DLG2: variants seen among roughly 807,000 people sequenced by gnomAD.
DLG2 encodes the protein disks large homolog 2.
A neutral mutation model predicts 132.5 loss-of-function variants in DLG2; 45 were observed. The ratio of observed to expected loss-of-function variants is 0.34; its 90% CI spans 0.27 to 0.44. DLG2 has a LOEUF of 0.44. Among genes scored for constraint, DLG2 ranks in the 20% least tolerant of loss-of-function variants. The probability of loss-of-function intolerance (pLI) is 1.00; values close to 1 mark genes in which losing one functional copy is unlikely to be tolerated. For synonymous variants in DLG2, 424 were observed against 419.6 expected (o/e 1.01, Z -0.13); for missense variants, 1,045 against 1,196.9 (o/e 0.87, Z 1.87).
chr11:85,077,200 G>C (rs2066652413), intron 6 of DLG2, among the ~76,000 whole-genome samples: 1 of 151,912 alleles, frequency 6.6e-6, no homozygotes, highest in South Asian at 2.1e-4. Context: ...TAATAACAAT[G>C]ATCACCATAA....
intron 6 of DLG2, among the ~76,000 whole-genome samples, chr11:84,951,475 G>C (rs897418206): frequency 1.1e-4 from 16 of 152,074 alleles, no homozygotes; most frequent in South Asian, 2.1e-4. Context: ...ATTAAGACCA[G>C]AGCATAAACA....
intron 4 of DLG2, among the ~76,000 whole-genome samples, chr11:85,259,350 C>G (rs143345032): frequency 2.0e-5 from 3 of 152,064 alleles, no homozygotes; most frequent in African/African-American, 4.8e-5. Flanking sequence ...TGAGGCCTCC[C>G]GAGAAGCAGA....
At chr11:85,186,286 C>T (rs1259742570) in intron 4 of DLG2, among the ~76,000 whole-genome samples, 2 of 151,876 alleles carry the variant, frequency 1.3e-5, no homozygotes, top group African/African-American at 4.8e-5. Flanking sequence ...CAAACTATTA[C>T]CATTTCTACA....
chr11:85,318,909 A>G (rs1167866946), intron 3 of DLG2, among the ~76,000 whole-genome samples: 1 of 151,872 alleles, frequency 6.6e-6, no homozygotes, highest in East Asian at 1.9e-4. Context: ...CAATGACTAC[A>G]TAACAATTTG....
At chr11:85,053,632 C>CAAAAAAAAAAAAAA (rs574119257) in intron 6 of DLG2, among the ~76,000 whole-genome samples, 3 of 91,180 alleles carry the variant, frequency 3.3e-5, no homozygotes, top group East Asian at 3.8e-4. Context: ...ACTAAAAATA[C>CAAAAAAAAAAAAAA]AAAAAAAAAA....
rs748005006 is a variant in DLG2, at chr11:84,565,960, G to GTTTT, written c.358-31233_358-31230dup. On this transcript the variant is annotated intron_variant, in intron 6 of 27. Coordinates refer to ENST00000376104, the MANE Select transcript of DLG2 (RefSeq NM_001142699.3). Reference sequence around the variant, plus strand: ...TCCACGTTAAATTTCATATGATGAAGTTTTTTTTTTTTTTTTGAGACAGAG... The same window carrying GTTTT: ...TCCACGTTAAATTTCATATGATGAAGTTTTTTTTTTTTTTTTTTTTGAGACAGAG... Among the ~76,000 whole-genome samples, 283 of 139,456 alleles carry GTTTT rather than the reference G, an allele frequency of 2.0e-3. 2 individuals are homozygous for GTTTT. The highest frequency in any genetic ancestry group is 5.4e-3 in the African/African-American group (201 of 37,472). The allele number at this position is 139,456 out of a possible 152,430, so 91.5% of individuals were successfully genotyped here.
intron 7 of DLG2, among the ~76,000 whole-genome samples, chr11:84,463,315 G>T (rs1395871917): frequency 6.6e-6 from 1 of 151,144 alleles, no homozygotes; most frequent in African/African-American, 2.4e-5. Context: ...AGTCAGAAAT[G>T]AGAGGGTCAG....
chr11:84,896,941 T>C (rs1362311657), intron 6 of DLG2, among the ~76,000 whole-genome samples: 1 of 151,800 alleles, frequency 6.6e-6, no homozygotes, highest in East Asian at 1.9e-4. Flanking sequence ...GTTTTGAGCA[T>C]ATCCCCTGTG....
At chr11:83,504,879 T>A (rs2139407631) in intron 21 of DLG2, among the ~76,000 whole-genome samples, 1 of 152,206 alleles carries the variant, frequency 6.6e-6, no homozygotes, top group African/African-American at 2.4e-5. Flanking sequence ...TTAGTTGGAG[T>A]TGTAATTGTG....
chr11:83,700,031 T>C lies in DLG2; in HGVS notation c.1826-66706A>G, dbSNP rs145732225. 3.6e-3 allele frequency among the ~76,000 whole-genome samples: 552 copies of C among 151,712 alleles called. 2 individuals carry two copies. Among genetic ancestry groups the C allele is most frequent in the Non-Finnish European group, 6.2e-3 (420 of 67,942 alleles). ...TACACAAAAACCTAAAAATAGTGAT[T>C]AGCTTTGTGAGACGAATGAGGGCAG... On this transcript the variant is annotated intron_variant, in intron 18 of 27. Transcript: ENST00000376104.
rs113409624 is a variant in DLG2 at position 85,253,873 on chromosome 11, GC to G, written c.186+31346del. ...GAAGGCAATCTTCCCCTGAAGTCCA[GC>G]CATCCAAGGCTGGACTCCTCTCTGA... On this transcript the variant is annotated intron_variant, in intron 4 of 27. Transcript: ENST00000376104. Among the ~76,000 whole-genome samples the G allele has an allele frequency of 9.0e-3, 1,367 of 152,222 alleles. 23 individuals are homozygous for G. Among genetic ancestry groups the G allele is most frequent in the African/African-American group, 0.031 (1,301 of 41,534 alleles).
chr11:85,106,533 C>G (rs1038195906), intron 6 of DLG2, among the ~76,000 whole-genome samples: 1 of 151,892 alleles, frequency 6.6e-6, no homozygotes, highest in South Asian at 2.1e-4. Context: ...CTGTTTTTTA[C>G]GCTTTTTCTC....
intron 7 of DLG2, among the ~76,000 whole-genome samples, chr11:84,533,077 C>T (rs2099346703): frequency 6.6e-6 from 1 of 152,188 alleles, no homozygotes; most frequent in African/African-American, 2.4e-5. Context: ...TTCTACAAAA[C>T]CTCTGACGAG....
At chr11:84,364,418 G>A (rs1335993949) in intron 7 of DLG2, among the ~76,000 whole-genome samples, 8 of 152,114 alleles carry the variant, frequency 5.3e-5, no homozygotes, top group African/African-American at 1.7e-4. Flanking sequence ...GGGCTGAGAC[G>A]ATGGGGTTTT....
At chr11:84,310,790 G>A (rs1034243257) in intron 7 of DLG2, among the ~76,000 whole-genome samples, 1 of 152,170 alleles carries the variant, frequency 6.6e-6, no homozygotes, top group Non-Finnish European at 1.5e-5. Flanking sequence ...CATTCTGGCT[G>A]AGCATAAACT....
intron 6 of DLG2, among the ~76,000 whole-genome samples, chr11:84,801,255 A>C (rs1160151853): frequency 6.6e-6 from 1 of 152,180 alleles, no homozygotes; most frequent in Non-Finnish European, 1.5e-5. Context: ...TATATTCTCC[A>C]GTCCAAGAAG....
chr11:84,697,491 G>A (rs2058738064), intron 6 of DLG2, among the ~76,000 whole-genome samples: 1 of 151,218 alleles, frequency 6.6e-6, no homozygotes, highest in African/African-American at 2.4e-5. Flanking sequence ...ATTTTTTTTA[G>A]AAAAACACAC....
chr11:85,542,091 G>A (rs914003019), intron 3 of DLG2, among the ~76,000 whole-genome samples: 1 of 152,052 alleles, frequency 6.6e-6, no homozygotes, highest in African/African-American at 2.4e-5. Flanking sequence ...CCACATTCGT[G>A]TGCCCACAGA....
At chr11:83,506,235 C>G (rs751807985) in intron 21 of DLG2, among the ~76,000 whole-genome samples, 3 of 152,300 alleles carry the variant, frequency 2.0e-5, no homozygotes, top group South Asian at 2.1e-4. Flanking sequence ...TTCAGCTAAA[C>G]AAGCAAACAA....
Sources: gnomAD v4.1 joint callset for allele counts (sites outside exome capture counted in the v4.1 genomes callset) on GRCh38, gnomAD v4.1.1 for gene constraint, MANE v1.5 for transcripts, NCBI Gene and HGNC (gene_info 2026-07-23, HGNC 2026-07-21) for gene names.